The following CPA6 variants were observed in gnomAD, a reference collection of about 807,000 sequenced individuals.
CPA6 encodes carboxypeptidase B.
In CPA6, 58 loss-of-function variants were observed where a neutral mutation model predicts 63.3. That is an observed-to-expected ratio of 0.92 (90% CI 0.74 to 1.14). The LOEUF (loss-of-function observed/expected upper bound fraction) is 1.14, where lower values mean the gene tolerates loss of function less well. Among genes scored for constraint, CPA6 ranks in the 50% most tolerant of loss-of-function variants. The pLI is 0.00. For synonymous variants in CPA6, 185 were observed against 179.0 expected, an observed-to-expected ratio of 1.03 and a Z score of -0.27; for missense variants, 565 against 526.6, an observed-to-expected ratio of 1.07 and a Z score of -0.71.
At chr8:67,504,889 C>T (rs896064287) in intron 6 of CPA6, among the ~76,000 whole-genome samples, 1 of 151,970 alleles carries the variant, frequency 6.6e-6, no homozygotes, top group African/African-American at 2.4e-5. Context: ...TGGCCCTGTG[C>T]AGGAGGGAGG....
rs370205209 is a variant in CPA6, at chr8:67,519,613, A to G, written c.193-1566T>C. ...AGAGTCTACCTGTTTTCTTTCATGC[A>G]GCTGACTCCTCCACTCGCTTGCAAG... is the stretch of plus-strand genomic sequence containing the variant. On this transcript the variant is annotated intron_variant, in intron 2 of 10. Transcript: ENST00000297770. Among the ~76,000 whole-genome samples, 12 of 152,354 alleles carry G rather than the reference A, an allele frequency of 7.9e-5. No individual in the cohort carries two copies. In the East Asian group the frequency reaches 1.9e-3, roughly 24 times the overall value.
chr8:67,614,513 C>T (rs1037116330), intron 2 of CPA6, among the ~76,000 whole-genome samples: 2 of 152,134 alleles, frequency 1.3e-5, no homozygotes, highest in African/African-American at 4.8e-5. Flanking sequence ...AGACCCGCTG[C>T]TGAATAACTG....
chr8:67,644,311 C>T (rs61546392), intron 1 of CPA6, among the ~76,000 whole-genome samples: 3 of 151,878 alleles, frequency 2.0e-5, no homozygotes, highest in African/African-American at 7.3e-5. Flanking sequence ...GTAGAGACGG[C>T]GTTTCACCAT....
intron 8 of CPA6, among the ~76,000 whole-genome samples, chr8:67,482,114 G>T (rs1811372233): frequency 6.6e-6 from 1 of 152,222 alleles, no homozygotes; most frequent in African/African-American, 2.4e-5. Context: ...GAAGCAAGCT[G>T]GGTAAAGGAA....
intron 1 of CPA6, among the ~76,000 whole-genome samples, chr8:67,650,546 A>G (rs959737111): frequency 1.3e-5 from 2 of 152,144 alleles, no homozygotes; most frequent in Non-Finnish European, 2.9e-5. Context: ...ACTTGGACCA[A>G]ATAAGGTGCC....
intron 2 of CPA6, among the ~76,000 whole-genome samples, chr8:67,612,150 G>A (rs150317538): frequency 6.6e-6 from 1 of 152,176 alleles, no homozygotes; most frequent in African/African-American, 2.4e-5. Flanking sequence ...TATGGCCCTG[G>A]ATATGGTGGC....
chr8:67,615,974 T>C (rs929693312), intron 2 of CPA6, among the ~76,000 whole-genome samples: 1 of 152,178 alleles, frequency 6.6e-6, no homozygotes, highest in African/African-American at 2.4e-5. Flanking sequence ...TGATGGGCAC[T>C]AAGCCAAGGA....
chr8:67,464,212 T>C (rs1313109309), intron 8 of CPA6, among the ~76,000 whole-genome samples: 1 of 152,192 alleles, frequency 6.6e-6, no homozygotes, highest in African/African-American at 2.4e-5. Context: ...CCATTTTGAT[T>C]GGTGTGAGAT....
intron 1 of CPA6, among the ~76,000 whole-genome samples, chr8:67,624,911 T>C (rs1161926317): frequency 6.6e-6 from 1 of 152,168 alleles, no homozygotes; most frequent in Non-Finnish European, 1.5e-5. Flanking sequence ...GTCCTGCTGC[T>C]TTCTGCACAT....
At chr8:67,512,659 T>C (rs1326487497) in intron 3 of CPA6, among the ~76,000 whole-genome samples, 1 of 152,174 alleles carries the variant, frequency 6.6e-6, no homozygotes, top group Middle Eastern at 3.2e-3. Context: ...CTTCAGTCAT[T>C]TGCATTACTT....
chr8:67,642,888 C>A (rs1442049945), intron 1 of CPA6, among the ~76,000 whole-genome samples: 3 of 151,082 alleles, frequency 2.0e-5, no homozygotes, highest in African/African-American at 7.3e-5. Context: ...AAGAAGAAAA[C>A]ATAAATTATC....
chr8:67,520,523 G>A (rs1243249255), intron 2 of CPA6, among the ~76,000 whole-genome samples: 1 of 152,178 alleles, frequency 6.6e-6, no homozygotes, highest in Non-Finnish European at 1.5e-5. Context: ...TAAGGAAAGG[G>A]TATTTGAATA....
intron 1 of CPA6, among the ~76,000 whole-genome samples, chr8:67,734,966 T>A (rs2553671): frequency 5.0e-4 from 76 of 152,108 alleles, no homozygotes; most frequent in Non-Finnish European, 6.9e-4. Context: ...TTCCAGCTTC[T>A]GTAAGTGCAA....
At chr8:67,596,621 A>G (rs1260612822) in intron 2 of CPA6, among the ~76,000 whole-genome samples, 1 of 152,146 alleles carries the variant, frequency 6.6e-6, no homozygotes, top group Non-Finnish European at 1.5e-5. Flanking sequence ...CACAAAATCA[A>G]GGATAGTACA....
At chr8:67,679,943 CTGTG>C (rs1275029880) in intron 1 of CPA6, among the ~76,000 whole-genome samples, 1 of 152,146 alleles carries the variant, frequency 6.6e-6, no homozygotes, top group South Asian at 2.1e-4. Context: ...GTATTAGGAG[CTGTG>C]TATCGTTTTT....
intron 8 of CPA6, among the ~76,000 whole-genome samples, chr8:67,475,897 TC>T (rs1563968143): frequency 9.0e-5 from 8 of 89,384 alleles, no homozygotes; most frequent in African/African-American, 2.1e-4. Flanking sequence ...TTTCTTTCTT[TC>T]TTTCTTTCTT....
At chr8:67,603,196 T>C (rs898997762) in intron 2 of CPA6, among the ~76,000 whole-genome samples, 1 of 152,208 alleles carries the variant, frequency 6.6e-6, no homozygotes, top group Non-Finnish European at 1.5e-5. Flanking sequence ...AAGAATTATA[T>C]TCTTGAAATG....
chr8:67,422,480 A>G lies in CPA6; in HGVS notation c.*24T>C. Reference sequence around the variant, plus strand: ...TAGGCCTTGCTCAGAATCCTATGGCAGTTGACCTGAGCCTTGGGCTGTCTC... The same window carrying G: ...TAGGCCTTGCTCAGAATCCTATGGCGGTTGACCTGAGCCTTGGGCTGTCTC... On this transcript the variant is annotated 3_prime_UTR_variant, in exon 11 of 11. Coordinates refer to ENST00000297770, the MANE Select transcript of CPA6 (RefSeq NM_020361.5). 6.2e-7 allele frequency: 1 copy of G among 1,603,040 alleles called. No homozygotes were observed.
intron 8 of CPA6, among the ~76,000 whole-genome samples, chr8:67,448,952 T>C (rs1209671931): frequency 6.6e-6 from 1 of 152,130 alleles, no homozygotes; most frequent in Non-Finnish European, 1.5e-5. Context: ...ACTTTGGTTA[T>C]ATATTAAAGT....
Sources: gnomAD v4.1 joint callset for allele counts (sites outside exome capture counted in the v4.1 genomes callset) on GRCh38, gnomAD v4.1.1 for gene constraint, MANE v1.5 for transcripts, NCBI Gene and HGNC (gene_info 2026-07-23, HGNC 2026-07-21) for gene names.